GPM6A: variants seen among roughly 807,000 people sequenced by gnomAD.
GPM6A encodes glycoprotein M6A.
Under a neutral mutation model 32.1 loss-of-function variants are expected in GPM6A, and 7 were observed. That is an observed-to-expected ratio of 0.22 (90% confidence interval 0.12 to 0.41). GPM6A has a LOEUF of 0.41. GPM6A is among the 10% of genes least tolerant of loss of function. The probability of loss-of-function intolerance (pLI) is 1.00; values close to 1 mark genes in which losing one functional copy is unlikely to be tolerated. For missense variants in GPM6A, 235 were observed against 347.2 expected (o/e 0.68, Z 2.57); for synonymous variants, 130 against 123.4 (o/e 1.05, Z -0.35).
intron 1 of GPM6A, among the ~76,000 whole-genome samples, chr4:175,921,003 A>C (rs1159483149): frequency 6.6e-6 from 1 of 152,228 alleles, no homozygotes; most frequent in Non-Finnish European, 1.5e-5. Context: ...TAACTCCAAT[A>C]GTAGTAGTAT....
In GPM6A at chr4:175,812,175, G is replaced by A. The variant is rs371268534; in HGVS notation, c.37+16C>T. ...AATAATTACTTAGTTACAAATAAAC[G>A]CTTTTAGCACAGTACCTTTTTGTGT... On this transcript the variant is annotated intron_variant, in intron 1 of 6. Transcript: ENST00000393658. 1.4e-4 allele frequency: 209 copies of A among 1,544,984 alleles called. No homozygotes were observed. The highest frequency in any genetic ancestry group is 1.0e-3 in the Middle Eastern group (6 of 5,886).
At chr4:175,686,330 T>A (rs923191181) in intron 2 of GPM6A, among the ~76,000 whole-genome samples, 6 of 152,218 alleles carry the variant, frequency 3.9e-5, no homozygotes, top group African/African-American at 9.6e-5. Context: ...AAATACTTCC[T>A]AATCCCTGAC....
intron 1 of GPM6A, among the ~76,000 whole-genome samples, chr4:175,982,318 A>G (rs1185538268): frequency 1.3e-5 from 2 of 152,170 alleles, no homozygotes; most frequent in African/African-American, 4.8e-5. Context: ...ATATTTGCTT[A>G]ACATAAGGTC....
intron 1 of GPM6A, among the ~76,000 whole-genome samples, chr4:175,942,015 A>G (rs1205486716): frequency 6.6e-6 from 1 of 152,138 alleles, no homozygotes; most frequent in Non-Finnish European, 1.5e-5. Context: ...AAGTGTTTCT[A>G]TTTCTCCACA....
chr4:175,731,889 G>A (rs1031389651), intron 1 of GPM6A, among the ~76,000 whole-genome samples: 1 of 151,648 alleles, frequency 6.6e-6, no homozygotes, highest in African/African-American at 2.4e-5. Context: ...CAAGATTTTT[G>A]CACTGGCTGT....
intron 2 of GPM6A, among the ~76,000 whole-genome samples, chr4:175,677,367 T>C (rs1243080972): frequency 1.1e-4 from 17 of 152,168 alleles, no homozygotes. Context: ...TTTTCTCTAC[T>C]TTTCTATGTG....
At position 175,957,957 on chromosome 4, in the gene GPM6A, A is replaced by T. The variant is rs1289059700; in HGVS notation, c.-23+44352T>A. The stretch of plus-strand genomic sequence containing the variant: ...ACCCAGGCTGGAGTGCAATGGTGCA[A>T]TCCTGGCTCACTGCAACCTCCACTT... On this transcript the variant is annotated intron_variant, in intron 1 of 7. Coordinates refer to the GPM6A transcript ENST00000280187. Among the ~76,000 whole-genome samples the T allele has an allele frequency of 2.6e-5, 4 of 152,128 alleles. No individual in the cohort carries two copies. In the East Asian group the frequency reaches 7.7e-4, roughly 29 times the overall value.
intron 1 of GPM6A, among the ~76,000 whole-genome samples, chr4:175,930,187 A>G (rs1738981237): frequency 6.6e-6 from 1 of 152,128 alleles, no homozygotes; most frequent in Non-Finnish European, 1.5e-5. Context: ...CAAACAAGGC[A>G]TCTTCTTTCG....
chr4:175,926,569 A>G (rs905251487), intron 1 of GPM6A, among the ~76,000 whole-genome samples: 4 of 152,124 alleles, frequency 2.6e-5, no homozygotes, highest in African/African-American at 7.2e-5. Flanking sequence ...AAATATGACA[A>G]TTTTCTAATA....
intron 1 of GPM6A, among the ~76,000 whole-genome samples, chr4:175,784,469 G>T (rs1056830075): frequency 2.6e-5 from 4 of 152,180 alleles, no homozygotes; most frequent in Non-Finnish European, 5.9e-5. Context: ...TATTAATTTT[G>T]ATTAATGTAT....
rs536715687 is a variant in GPM6A at position 175,723,915 on chromosome 4, T to C, written c.38-22148A>G. Among the ~76,000 whole-genome samples, 12 of 152,270 alleles carry C rather than the reference T, an allele frequency of 7.9e-5. No homozygotes were observed. The South Asian group carries it at 1.7e-3, about 21-fold the overall frequency. ...TTTGTTAATGTTATTTGTTGTTTAT[T>C]ACAATTAAAAATAGACCTACCATAT... On this transcript the variant is annotated intron_variant, in intron 1 of 6. Coordinates refer to ENST00000393658, the MANE Select transcript of GPM6A (RefSeq NM_201591.3).
intron 1 of GPM6A, among the ~76,000 whole-genome samples, chr4:175,827,667 T>C (rs1022724628): frequency 6.6e-6 from 1 of 152,214 alleles, no homozygotes; most frequent in African/African-American, 2.4e-5. Context: ...CTAGGCTCTG[T>C]TGGTTTGGTC....
intron 1 of GPM6A, among the ~76,000 whole-genome samples, chr4:175,845,160 A>G (rs1428512967): frequency 6.6e-6 from 1 of 152,164 alleles, no homozygotes; most frequent in Non-Finnish European, 1.5e-5. Context: ...ATATTTTATT[A>G]GTTAATTACA....
chr4:175,914,093 T>C (rs533537230), intron 1 of GPM6A, among the ~76,000 whole-genome samples: 259 of 151,556 alleles, frequency 1.7e-3, no homozygotes, highest in Non-Finnish European at 3.1e-3. Context: ...AGAGGGTTTT[T>C]AGGGCTTCCA....
At chr4:175,852,427 G>A (rs895749484) in intron 1 of GPM6A, among the ~76,000 whole-genome samples, 10 of 152,136 alleles carry the variant, frequency 6.6e-5, no homozygotes, top group Non-Finnish European at 1.5e-4. Context: ...TCTTCTTTCA[G>A]AGCAAAGACC....
At chr4:175,763,892 G>A (rs1486552374) in intron 1 of GPM6A, among the ~76,000 whole-genome samples, 2 of 152,122 alleles carry the variant, frequency 1.3e-5, no homozygotes, top group Non-Finnish European at 2.9e-5. Context: ...TGCAGTTACT[G>A]TTATCAGACT....
chr4:175,971,468 A>G (rs1269809259), intron 1 of GPM6A, among the ~76,000 whole-genome samples: 2 of 152,176 alleles, frequency 1.3e-5, no homozygotes, highest in Admixed American at 1.3e-4. Flanking sequence ...CATCTTTTTC[A>G]CGTAAAAATT....
chr4:175,691,189 T>A (rs544308444), intron 2 of GPM6A, among the ~76,000 whole-genome samples: 1 of 152,336 alleles, frequency 6.6e-6, no homozygotes, highest in South Asian at 2.1e-4. Flanking sequence ...TATCACAAGA[T>A]GCATAAATAA....
intron 1 of GPM6A, among the ~76,000 whole-genome samples, chr4:175,821,449 C>CTAAA (rs1735275053): frequency 6.6e-6 from 1 of 151,874 alleles, no homozygotes; most frequent in African/African-American, 2.4e-5. Context: ...GGTTTTTGGT[C>CTAAA]ATCTATATAT....
Sources: allele counts gnomAD v4.1 joint callset (sites outside exome capture counted in the v4.1 genomes callset), GRCh38; gene constraint gnomAD v4.1.1; transcripts MANE v1.5; gene names NCBI Gene and HGNC (gene_info 2026-07-23, HGNC 2026-07-21).